The following CCDC116 variants were observed in gnomAD, a reference collection of about 807,000 sequenced individuals.
CCDC116 encodes coiled-coil domain-containing protein 116.
A neutral mutation model predicts 29.4 loss-of-function variants in CCDC116; 24 were observed. The ratio of observed to expected loss-of-function variants is 0.82; its 90% CI spans 0.59 to 1.15. CCDC116 has a LOEUF of 1.15. CCDC116 is among the 50% of genes most tolerant of loss of function. The probability of loss-of-function intolerance (pLI) is 0.00; values close to 1 mark genes in which losing one functional copy is unlikely to be tolerated. For synonymous variants in CCDC116, 298 were observed against 331.4 expected, an observed-to-expected ratio of 0.90 and a Z score of 1.10; for missense variants, 791 against 804.0, an observed-to-expected ratio of 0.98 and a Z score of 0.20.
In CCDC116 at chr22:21,635,162, C is replaced by A. The variant is rs200945059; in HGVS notation, c.1099C>A (p.Arg367Ser). The A allele has an allele frequency of 1.9e-5, 30 of 1,601,612 alleles. No individual in the cohort carries two copies. Among genetic ancestry groups the A allele is most frequent in the African/African-American group, 2.7e-5 (2 of 74,936 alleles). Residue 367 changes from arginine to serine, a missense_variant, in exon 4 of 5, where the codon CGC becomes AGC. Transcript: ENST00000292779. ...TGGCGGGCAGCCCTATGCTTCCCCC[C>A]GCCCCACAGTCTCCAGCCCCAAGAT... is the stretch of plus-strand genomic sequence containing the variant. Reference protein sequence around the residue: ...TNGGQPYASPRPTVSSPKMLQ... With the variant: ...TNGGQPYASPSPTVSSPKMLQ...
chr22:21,637,092 G>A lies in CCDC116; in HGVS notation c.*22G>A, dbSNP rs531575551. On this transcript the variant is annotated 3_prime_UTR_variant, in exon 5 of 5. Transcript: ENST00000292779. ...CTAGAGCCTCCCAGAGCCTGGAGAG[G>A]AGGCCTCGGTCAGCCACTCCGTGGA... 1 of 1,577,706 alleles carries A rather than the reference G, an allele frequency of 6.3e-7. No individual in the cohort carries two copies. Among genetic ancestry groups the A allele is most frequent in the Non-Finnish European group, 8.6e-7 (1 of 1,160,274 alleles).
Position 21,635,180 on chromosome 22 carries a change from C to A in CCDC116, c.1117C>A (p.Pro373Thr), listed in dbSNP as rs1477368390. ...YASPRPTVSS[P>T]KMLQRKRKDR... ...TTCCCCCCGCCCCACAGTCTCCAGC[C>A]CCAAGATGCTTCAGAGAAAACGCAA... The change falls in exon 4 of 5, where the codon CCC becomes ACC. Residue 373 changes from proline (P) to threonine (T), a missense_variant. By Grantham distance (38) the Pro-to-Thr change is conservative. Transcript: ENST00000292779. 1 of 1,600,854 alleles carries A rather than the reference C, an allele frequency of 6.2e-7. No homozygotes were observed. The highest frequency in any genetic ancestry group is 8.5e-7 in the Non-Finnish European group (1 of 1,179,942).
At position 21,634,949 on chromosome 22, in the gene CCDC116, G is replaced by A. The variant is rs2148465797; in HGVS notation, c.886G>A (p.Glu296Lys). The change falls in exon 4 of 5, where the codon GAG (glutamate) becomes AAG (lysine). Residue 296 changes from glutamate (E) to lysine (K), a missense_variant. Glu to Lys is a moderately conservative substitution (Grantham distance 56). Coordinates refer to ENST00000292779, the MANE Select transcript of CCDC116 (RefSeq NM_152612.3). ...CCTGCCTGGCTACTGTCCGCTCCGT[G>A]AGCCCCATCGCACGCTGAACTTCCT... ...LDLPGYCPLR[E>K]PHRTLNFLAD... 1 of 1,613,518 alleles carries A rather than the reference G, an allele frequency of 6.2e-7. No individual in the cohort carries two copies. The highest frequency in any genetic ancestry group is 2.2e-5 in the East Asian group (1 of 44,864).
chr22:21,633,937 A>C, intron 2 of CCDC116, 85 bp from the exon 3 acceptor site: 1 of 1,348,300 alleles, frequency 7.4e-7, no homozygotes, highest in Non-Finnish European at 1.0e-6. Flanking sequence ...TCCACTACTC[A>C]CTCCCACCCA....
Position 21,637,327 on chromosome 22 carries a change from A to G in CCDC116, c.*257A>G. 2.7e-6 allele frequency: 1 copy of G among 364,482 alleles called. No individual in the cohort carries two copies. The allele number at this position is 364,482 out of a possible 1,614,324, so 22.6% of individuals were successfully genotyped here. A position where few individuals can be genotyped will look rare whatever the true frequency, so the allele number is the denominator to read the frequency against. On this transcript the variant is annotated 3_prime_UTR_variant, in exon 5 of 5. Transcript: ENST00000292779. ...GCTGGGACACAGGTTTGCTGTCCTG[A>G]GATTTCAGCCGCCATTTTATTTATT...
At chr22:21,632,895 A>G in intron 1 of CCDC116, 68 bp downstream of exon 1, 1 of 569,960 alleles carries the variant, frequency 1.8e-6, no homozygotes, top group Middle Eastern at 2.7e-4. Context: ...GGGCGGGTCG[A>G]GCACACGCAG....
chr22:21,632,784 G>A lies in CCDC116; in HGVS notation c.-106G>A, dbSNP rs1930600961. The A allele has an allele frequency of 2.7e-6, 1 of 363,792 alleles. No homozygotes were observed. The highest frequency in any genetic ancestry group is 2.1e-5 in the African/African-American group (1 of 47,782). 22.5% of individuals were successfully genotyped at this position (363,792 alleles called of 1,614,324 possible). The stretch of plus-strand genomic sequence containing the variant: ...CGCACTGTGCAGCTGCTCCAGTGAG[G>A]GCGCAGACTGTACTGGCCTGTGCGG... On this transcript the variant is annotated 5_prime_UTR_variant, in exon 1 of 5. Transcript: ENST00000292779.
Position 21,636,671 on chromosome 22 carries a change from G to T in CCDC116, c.1443G>T (p.Lys481Asn). The change falls in exon 5 of 5, where the codon AAG becomes AAT. Residue 481 changes from lysine (K) to asparagine (N), a missense_variant. Lys to Asn is a moderately conservative substitution (Grantham distance 94, BLOSUM62 0). Coordinates refer to ENST00000292779, the MANE Select transcript of CCDC116 (RefSeq NM_152612.3). ...GGGACCTTTCCCTGGGCTTAAAGAA[G>T]GTAAAAGGCTCCCGCATCCACCTGT... ...VLRDLSLGLK[K>N]VKGSRIHLSS... 1 of 1,614,002 alleles carries T rather than the reference G, an allele frequency of 6.2e-7. No individual in the cohort carries two copies. Among genetic ancestry groups the T allele is most frequent in the South Asian group, 1.1e-5 (1 of 91,086 alleles).
intron 2 of CCDC116, among the ~76,000 whole-genome samples, chr22:21,633,560 C>G (rs919825624): frequency 7.2e-5 from 11 of 152,242 alleles, no homozygotes; most frequent in African/African-American, 2.6e-4. Context: ...GCCCGGGTAG[C>G]ACAGGGCTCA....
rs1298353176 is a variant in CCDC116 at position 21,634,535 on chromosome 22, A to C, written c.586A>C (p.Asn196His). Residue 196 changes from asparagine (N) to histidine (H), a missense_variant, in exon 3 of 5, where the codon AAC becomes CAC. Transcript: ENST00000292779. ...PVRDKLLLEK[N>H]LKRLLQLERE... Reference sequence around the variant, plus strand: ...GAGGGACAAACTCCTGCTGGAGAAGAACCTCAAGCGGCTGCTACAGCTGGA... The same window carrying C: ...GAGGGACAAACTCCTGCTGGAGAAGCACCTCAAGCGGCTGCTACAGCTGGA... 6.2e-7 allele frequency: 1 copy of C among 1,609,862 alleles called. No homozygotes were observed. Among genetic ancestry groups the C allele is most frequent in the Non-Finnish European group, 8.5e-7 (1 of 1,176,896 alleles).
In CCDC116 at chr22:21,633,004, G is replaced by A. The variant is rs1051117861; in HGVS notation, c.-62-116G>A. The A allele has an allele frequency of 2.0e-5, 14 of 714,974 alleles. No individual in the cohort carries two copies. The Admixed American group carries it at 2.8e-4, about 14-fold the overall frequency. The allele number at this position is 714,974 out of a possible 1,614,324, so 44.3% of individuals were successfully genotyped here. ...GACGCATGGGGGCCATGGAGCAGAG[G>A]AAGGGCTGGATGCATGAAGGAGGCG... On this transcript the variant is annotated intron_variant, in intron 1 of 4. Transcript: ENST00000292779.
rs757099511 is a variant in CCDC116, at chr22:21,635,467, G to A, written c.1203+201G>A. On this transcript the variant is annotated intron_variant, in intron 4 of 4. Transcript: ENST00000292779. ...TGGCCTGCAGCCAGGGCCACCTCAGGGGCCCTGTCACACCTCCACTTTCCT... is the reference window on the plus strand; with the variant it reads ...TGGCCTGCAGCCAGGGCCACCTCAGAGGCCCTGTCACACCTCCACTTTCCT... 5.7e-6 allele frequency: 4 copies of A among 704,964 alleles called. No individual in the cohort carries two copies. The South Asian group carries it at 5.9e-5, about 10-fold the overall frequency. 43.7% of individuals were successfully genotyped at this position (704,964 alleles called of 1,614,324 possible).
Position 21,634,144 on chromosome 22 carries a change from G to A in CCDC116, c.195G>A (p.Arg65=), listed in dbSNP as rs1930666054. 12 of 1,614,138 alleles carry A rather than the reference G, an allele frequency of 7.4e-6. No homozygotes were observed. Among genetic ancestry groups the A allele is most frequent in the Non-Finnish European group, 1.0e-5 (12 of 1,180,056 alleles). Residue 65 remains arginine (R), a synonymous_variant, in exon 3 of 5, where the codon AGG becomes AGA. Coordinates refer to ENST00000292779, the MANE Select transcript of CCDC116 (RefSeq NM_152612.3). The stretch of plus-strand genomic sequence containing the variant: ...TCCAGGGCCAACGCCGAAACAAGAG[G>A]CACCCTCAGCCCTTTGGCCACTTTC... ...SALQGQRRNK[R]HPQPFGHFLD... is the part of the protein sequence containing the mutation.
At chr22:21,635,741 T>G (rs1930775477) in intron 4 of CCDC116, 1 of 604,854 alleles carries the variant, frequency 1.7e-6, no homozygotes, top group East Asian at 2.8e-5. Flanking sequence ...GGCCCATGAA[T>G]CCTGGCCTAG....
chr22:21,636,899 C>G lies in CCDC116; in HGVS notation c.1671C>G (p.Ser557Arg). The change falls in exon 5 of 5, where the codon AGC becomes AGG. Residue 557 changes from serine to arginine, a missense_variant. Ser to Arg is a moderately radical substitution (Grantham distance 110, BLOSUM62 -1). Coordinates refer to ENST00000292779, the MANE Select transcript of CCDC116 (RefSeq NM_152612.3). ...ACTTGCCAGCCAGCCGGCAGCTCAG[C>G]CCTTTGGAGCCCAAGCTCTACATGT... The part of the protein sequence containing the change: ...YTNLPASRQL[S>R]PLEPKLYMSA... The G allele has an allele frequency of 6.2e-7, 1 of 1,613,760 alleles. No individual in the cohort carries two copies. Among genetic ancestry groups the G allele is most frequent in the Non-Finnish European group, 8.5e-7 (1 of 1,180,040 alleles).
Position 21,634,236 on chromosome 22 carries a change from G to T in CCDC116, c.287G>T (p.Arg96Leu), listed in dbSNP as rs771117152. The stretch of plus-strand genomic sequence containing the variant: ...ACAGTGGTGGAGAAGGCGACTGAGC[G>T]CATGGCTGCCATGAAGACGGAGGCT... The part of the protein sequence containing the change: ...LETVVEKATE[R>L]MAAMKTEAGV... Residue 96 changes from arginine (R) to leucine (L), a missense_variant, in exon 3 of 5, where the codon CGC (arginine) becomes CTC (leucine). By Grantham distance (102) the Arg-to-Leu change is moderately radical. Transcript: ENST00000292779. The T allele has an allele frequency of 6.2e-7, 1 of 1,614,210 alleles. No individual in the cohort carries two copies. Among genetic ancestry groups the T allele is most frequent in the Non-Finnish European group, 8.5e-7 (1 of 1,180,032 alleles).
rs1269510165 is a variant in CCDC116, at chr22:21,634,261, T to C, written c.312T>C (p.Ala104=). ...GCATGGCTGCCATGAAGACGGAGGC[T>C]GGGGTGCCGCTTGTGGAGGTGCAGG... The part of the protein sequence containing the change: ...TERMAAMKTE[A]GVPLVEVQDP... Residue 104 remains alanine, a synonymous_variant, in exon 3 of 5, where the codon GCT becomes GCC. Coordinates refer to ENST00000292779, the MANE Select transcript of CCDC116 (RefSeq NM_152612.3). 1 of 1,614,058 alleles carries C rather than the reference T, an allele frequency of 6.2e-7. No homozygotes were observed. Among genetic ancestry groups the C allele is most frequent in the East Asian group, 2.2e-5 (1 of 44,884 alleles).
chr22:21,635,657 C>A, intron 4 of CCDC116: 1 of 693,440 alleles, frequency 1.4e-6, no homozygotes, highest in South Asian at 1.5e-5. Flanking sequence ...GCCACTGTCA[C>A]TAACAGGTGC....
chr22:21,635,253 G>C lies in CCDC116; in HGVS notation c.1190G>C (p.Arg397Thr). 7.5e-6 allele frequency: 12 copies of C among 1,599,064 alleles called. No individual in the cohort carries two copies. The highest frequency in any genetic ancestry group is 1.0e-5 in the Non-Finnish European group (12 of 1,179,802). The change falls in exon 4 of 5, where the codon AGA becomes ACA. Residue 397 changes from arginine (R) to threonine (T), a missense_variant. Physicochemically the swap from Arg to Thr is moderately conservative, Grantham distance 71. Coordinates refer to ENST00000292779, the MANE Select transcript of CCDC116 (RefSeq NM_152612.3). ...PSMSSAQVAT[R>T]FKLKSPCSSS... ...ATGTCTAGTGCCCAGGTGGCCACCA[G>C]ATTCAAACTCAAGGTGACACCCACG...
Sources: gnomAD v4.1 joint callset for allele counts (sites outside exome capture counted in the v4.1 genomes callset) on GRCh38, gnomAD v4.1.1 for gene constraint, MANE v1.5 for transcripts, NCBI Gene and HGNC (gene_info 2026-07-23, HGNC 2026-07-21) for gene names.